The following METAP2 variants were observed in gnomAD, a reference collection of about 807,000 sequenced individuals.
The protein encoded by METAP2 is methionyl aminopeptidase 2.
METAP2 carries 25 observed loss-of-function variants against 59.4 expected under a neutral mutation model. The observed-to-expected ratio is 0.42, with a 90% CI of 0.31 to 0.59. The LOEUF (loss-of-function observed/expected upper bound fraction) is 0.59, where lower values mean the gene tolerates loss of function less well. METAP2 is among the 20% of genes least tolerant of loss of function. The probability of loss-of-function intolerance (pLI) is 0.16; values close to 1 mark genes in which losing one functional copy is unlikely to be tolerated. For missense variants in METAP2, 366 were observed against 581.2 expected (o/e 0.63, Z 3.81); for synonymous variants, 214 against 194.1 (o/e 1.10, Z -0.85).
chr12:95,511,901 C>G lies in METAP2; in HGVS notation c.971C>G (p.Pro324Arg). 6.2e-7 allele frequency: 1 copy of G among 1,603,966 alleles called. No individual in the cohort carries two copies. The highest frequency in any genetic ancestry group is 8.5e-7 in the Non-Finnish European group (1 of 1,174,078). Residue 324 changes from proline to arginine, a missense_variant, in exon 9 of 11, where the codon CCA (proline) becomes CGA (arginine). Pro to Arg is a moderately radical substitution (Grantham distance 103). Coordinates refer to ENST00000323666, the MANE Select transcript of METAP2 (RefSeq NM_006838.4). ...TCCCTATTTTTTATAACAGTGAAAC[C>G]AATCCGTAATCTAAATGGACATTCA... ...EIDGKTYQVKPIRNLNGHSIG... is the reference protein window; with the variant it reads ...EIDGKTYQVKRIRNLNGHSIG...
At chr12:95,477,183 G>A (rs1035045179) in intron 2 of METAP2, among the ~76,000 whole-genome samples, 1 of 151,378 alleles carries the variant, frequency 6.6e-6, no homozygotes, top group Non-Finnish European at 1.5e-5. Flanking sequence ...GGATCACTGC[G>A]ACCTCCCGAG....
chr12:95,496,604 G>A (rs1316139984), intron 7 of METAP2, among the ~76,000 whole-genome samples: 1 of 151,990 alleles, frequency 6.6e-6, no homozygotes, highest in Non-Finnish European at 1.5e-5. Context: ...TAAGGGGTTT[G>A]ACAAATATAT....
At position 95,514,211 on chromosome 12, in the gene METAP2, A is replaced by G. The variant is rs2140170664; in HGVS notation, c.*307A>G. 2 of 300,316 alleles carry G rather than the reference A, an allele frequency of 6.7e-6. No homozygotes were observed. The highest frequency in any genetic ancestry group is 1.2e-5 in the Non-Finnish European group (2 of 164,244). The allele number at this position is 300,316 out of a possible 1,614,324, so 18.6% of individuals were successfully genotyped here. On this transcript the variant is annotated 3_prime_UTR_variant, in exon 11 of 11. Transcript: ENST00000323666. ...TGAATACCTAAGAGATACTTTTTGG[A>G]TATTTATATTGCCATATTCTTACTT...
intron 7 of METAP2, among the ~76,000 whole-genome samples, chr12:95,500,910 G>A (rs1053789726): frequency 4.6e-5 from 7 of 151,420 alleles, no homozygotes; most frequent in African/African-American, 1.7e-4. Flanking sequence ...GTATTCTCTT[G>A]AGGTTTTTAG....
intron 2 of METAP2, among the ~76,000 whole-genome samples, chr12:95,479,842 C>T (rs2076146055): frequency 1.3e-5 from 2 of 152,156 alleles, no homozygotes; most frequent in Non-Finnish European, 2.9e-5. Context: ...CTCCTGGCCT[C>T]AAGTGATCCG....
chr12:95,507,723 C>T (rs556216803), intron 8 of METAP2, among the ~76,000 whole-genome samples: 1 of 152,086 alleles, frequency 6.6e-6, no homozygotes, highest in East Asian at 1.9e-4. Flanking sequence ...TGTGAAAGCA[C>T]ATGTGGAGGA....
chr12:95,483,753 C>T (rs2076176568), intron 3 of METAP2, among the ~76,000 whole-genome samples: 1 of 152,024 alleles, frequency 6.6e-6, no homozygotes, highest in South Asian at 2.1e-4. Context: ...TTAAAACTTG[C>T]ATAATTTAAA....
intron 7 of METAP2, among the ~76,000 whole-genome samples, chr12:95,499,300 C>T (rs2076298721): frequency 6.6e-6 from 1 of 151,992 alleles, no homozygotes; most frequent in Non-Finnish European, 1.5e-5. Flanking sequence ...TGCCACCGTA[C>T]CCATCAATTT....
chr12:95,478,748 G>T (rs2076138625), intron 2 of METAP2, among the ~76,000 whole-genome samples: 1 of 152,156 alleles, frequency 6.6e-6, no homozygotes, highest in South Asian at 2.1e-4. Flanking sequence ...GTATAAGTGT[G>T]GGCTGAATGC....
Position 95,482,174 on chromosome 12 carries a change from A to G in METAP2, c.260-1041A>G, listed in dbSNP as rs539356991. ...ACCCAGGCTGACGTGCTGTGGCTCG[A>G]TCTCAGCTCACTGCAGCCTTGACTT... On this transcript the variant is annotated intron_variant, in intron 2 of 10. Coordinates refer to ENST00000323666, the MANE Select transcript of METAP2 (RefSeq NM_006838.4). The G allele has an allele frequency of 3.1e-4, 139 of 452,240 alleles. 1 individual carries two copies. Among genetic ancestry groups the G allele is most frequent in the South Asian group, 2.1e-3 (135 of 63,430 alleles). 28.0% of individuals were successfully genotyped at this position (452,240 alleles called of 1,614,324 possible). A position where few individuals can be genotyped will look rare whatever the true frequency, so the allele number is the denominator to read the frequency against.
chr12:95,511,308 GTACCTCCTTA>G (rs1218784319), intron 8 of METAP2, among the ~76,000 whole-genome samples: 2 of 149,044 alleles, frequency 1.3e-5, no homozygotes, highest in South Asian at 4.2e-4. Flanking sequence ...GTTGTTAACA[GTACCTCCTTA>G]TACCTCCTTA....
At chr12:95,495,468 T>C (rs978746973) in intron 6 of METAP2, among the ~76,000 whole-genome samples, 3 of 152,146 alleles carry the variant, frequency 2.0e-5, no homozygotes, top group African/African-American at 7.2e-5. Flanking sequence ...TTTATTCAAA[T>C]AATAACATTT....
intron 5 of METAP2, 127 bp from the exon 6 acceptor site, chr12:95,494,830 C>A: frequency 1.6e-6 from 1 of 609,370 alleles, no homozygotes; most frequent in Non-Finnish European, 2.7e-6. Flanking sequence ...TCAGAAAGTG[C>A]TCAGATCATT....
chr12:95,506,922 A>C (rs12309546), intron 8 of METAP2, among the ~76,000 whole-genome samples: 8,134 of 151,698 alleles, frequency 0.054, 733 homozygotes, highest in African/African-American at 0.19. Context: ...AGTTGGGATT[A>C]CGGGTGTGTG....
intron 4 of METAP2, among the ~76,000 whole-genome samples, chr12:95,493,019 T>C (rs2076250636): frequency 6.6e-6 from 1 of 152,242 alleles, no homozygotes; most frequent in Non-Finnish European, 1.5e-5. Flanking sequence ...GGTATCACTT[T>C]TACACTTGTG....
rs370655234 is a variant in METAP2, at chr12:95,513,893, G to A, written c.1426G>A (p.Asp476Asn). Reference sequence around the variant, plus strand: ...ATGTAAAGAAGTTGTCAGCAGAGGAGATGACTATTAAACTTAGTCCAAAGC... The same window carrying A: ...ATGTAAAGAAGTTGTCAGCAGAGGAAATGACTATTAAACTTAGTCCAAAGC... The part of the protein sequence containing the change: ...PTCKEVVSRG[D>N]DY Residue 476 changes from aspartate (D) to asparagine (N), a missense_variant, in exon 11 of 11, where the codon GAT (aspartate) becomes AAT (asparagine). This residue lies in a region of METAP2 where 82 missense variants were observed against 156.2 expected (regional missense o/e 0.52). Transcript: ENST00000323666. The A allele has an allele frequency of 1.2e-5, 20 of 1,613,296 alleles. No individual in the cohort carries two copies. Among genetic ancestry groups the A allele is most frequent in the Non-Finnish European group, 1.5e-5 (18 of 1,179,564 alleles).
intron 2 of METAP2, among the ~76,000 whole-genome samples, chr12:95,481,436 T>G (rs2076157689): frequency 6.6e-6 from 1 of 152,126 alleles, no homozygotes; most frequent in Non-Finnish European, 1.5e-5. Flanking sequence ...ACCAACCATC[T>G]CTGCCTATGA....
chr12:95,488,043 AC>A (rs2076210441), intron 4 of METAP2, among the ~76,000 whole-genome samples: 1 of 152,136 alleles, frequency 6.6e-6, no homozygotes, highest in Non-Finnish European at 1.5e-5. Context: ...ATTCTGAAAT[AC>A]GTTTTTAGGA....
chr12:95,474,419 C>T (rs2076102340), intron 1 of METAP2, 89 bp downstream of exon 1: 3 of 1,431,970 alleles, frequency 2.1e-6, no homozygotes, highest in East Asian at 4.7e-5. Context: ...GACCGGGGCC[C>T]CAGAGCCCCG....
Sources: gnomAD v4.1 joint callset for allele counts (sites outside exome capture counted in the v4.1 genomes callset) on GRCh38, gnomAD v4.1.1 for gene constraint, gnomAD v4.1.1 regional missense constraint, MANE v1.5 for transcripts, NCBI Gene and HGNC (gene_info 2026-07-23, HGNC 2026-07-21) for gene names.